LOC128462377: variants seen among roughly 807,000 people sequenced by gnomAD.
At chr16:89,333,039 G>A in the LOC128462377 span, among the ~76,000 whole-genome samples, 1 of 152,132 alleles carries the variant, frequency 6.6e-6, no homozygotes, top group Non-Finnish European at 1.5e-5. Flanking sequence ...GAGTGACAGG[G>A]AACCCCCAGG....
At chr16:89,399,154 C>T in the LOC128462377 span, among the ~76,000 whole-genome samples, 1 of 152,302 alleles carries the variant, frequency 6.6e-6, no homozygotes, top group Admixed American at 6.5e-5. Flanking sequence ...TGACACAGCA[C>T]GAGTCCACGC....
chr16:89,403,666 G>T, the LOC128462377 span: 1 of 152,234 alleles, frequency 6.6e-6, no homozygotes. Flanking sequence ...ACGACAGCAC[G>T]TGCCTTTAAT....
the LOC128462377 span, among the ~76,000 whole-genome samples, chr16:89,393,050 C>A: frequency 6.6e-6 from 1 of 152,076 alleles, no homozygotes; most frequent in African/African-American, 2.4e-5. Context: ...AATGCTAACC[C>A]TCAGTGGAGC....
At chr16:89,371,464 C>T in the LOC128462377 span, among the ~76,000 whole-genome samples, 3 of 152,334 alleles carry the variant, frequency 2.0e-5, no homozygotes, top group Non-Finnish European at 2.9e-5. Context: ...GGGCCGCTGA[C>T]GCCAGCAGCT....
chr16:89,406,166 T>A, the LOC128462377 span, among the ~76,000 whole-genome samples: 3 of 150,704 alleles, frequency 2.0e-5, no homozygotes, highest in Non-Finnish European at 4.4e-5. Context: ...CTAAGTCTGG[T>A]TATGCCCTTT....
At chr16:89,353,341 C>T in the LOC128462377 span, among the ~76,000 whole-genome samples, 2 of 147,096 alleles carry the variant, frequency 1.4e-5, no homozygotes, top group Non-Finnish European at 3.0e-5. Context: ...GACTCCAACT[C>T]CAAAAAAAAA....
chr16:89,356,826 C>T, the LOC128462377 span, among the ~76,000 whole-genome samples: 5 of 149,674 alleles, frequency 3.3e-5, no homozygotes, highest in Non-Finnish European at 7.4e-5. Context: ...CGTAATGGTA[C>T]AATTTTGGGG....
At chr16:89,361,331 CG>C in the LOC128462377 span, among the ~76,000 whole-genome samples, 9 of 152,280 alleles carry the variant, frequency 5.9e-5, no homozygotes, top group Non-Finnish European at 1.2e-4. Flanking sequence ...GCGCCGGGGG[CG>C]GGGGGTGCTG....
the LOC128462377 span, among the ~76,000 whole-genome samples, chr16:89,391,797 CT>C: frequency 1.3e-5 from 2 of 152,228 alleles, no homozygotes; most frequent in Non-Finnish European, 2.9e-5. Flanking sequence ...ATAGTAACTT[CT>C]CTTAAAAGCA....
At chr16:89,414,662 A>G in the LOC128462377 span, among the ~76,000 whole-genome samples, 1 of 152,222 alleles carries the variant, frequency 6.6e-6, no homozygotes, top group Admixed American at 6.5e-5. Flanking sequence ...GGGAGGGGCC[A>G]GGGCCACAGA....
At chr16:89,381,354 AG>A in the LOC128462377 span, among the ~76,000 whole-genome samples, 1 of 125,346 alleles carries the variant, frequency 8.0e-6, no homozygotes, top group African/African-American at 3.3e-5. Flanking sequence ...AAAAAAAAAA[AG>A]GGGTGAGAAG....
chr16:89,336,364 G>A, the LOC128462377 span, among the ~76,000 whole-genome samples: 572 of 152,334 alleles, frequency 3.8e-3, 2 homozygotes, highest in African/African-American at 0.013. Flanking sequence ...AGAGGCGGGT[G>A]TGCGTCCACA....
chr16:89,359,975 G>A, the LOC128462377 span, among the ~76,000 whole-genome samples: 1 of 151,962 alleles, frequency 6.6e-6, no homozygotes, highest in African/African-American at 2.4e-5. Context: ...TGGGCGGGGG[G>A]GGAGGTTGTA....
chr16:89,322,552 G>C, the LOC128462377 span, among the ~76,000 whole-genome samples: 4 of 152,224 alleles, frequency 2.6e-5, no homozygotes. Context: ...GAAAAGGGGA[G>C]GGAAGCCCTT....
the LOC128462377 span, chr16:89,324,866 C>T: frequency 4.2e-5 from 11 of 264,470 alleles, no homozygotes; most frequent in South Asian, 4.1e-4. Flanking sequence ...TGTGGGACTT[C>T]ACCTCATGAC....
the LOC128462377 span, among the ~76,000 whole-genome samples, chr16:89,326,597 T>C: frequency 2.0e-5 from 3 of 151,746 alleles, no homozygotes; most frequent in East Asian, 5.8e-4. Flanking sequence ...AAAAAATTAA[T>C]CAGTCGAGGT....
the LOC128462377 span, among the ~76,000 whole-genome samples, chr16:89,415,658 T>C: frequency 1.3e-5 from 2 of 150,306 alleles, no homozygotes; most frequent in Admixed American, 6.6e-5. Context: ...TGAAACCCTA[T>C]CTCTACTAAA....
the LOC128462377 span, among the ~76,000 whole-genome samples, chr16:89,374,954 G>A: frequency 6.6e-6 from 1 of 152,090 alleles, no homozygotes. Context: ...AGTATGTCAT[G>A]AATGTACAAA....
the LOC128462377 span, among the ~76,000 whole-genome samples, chr16:89,408,829 T>C: frequency 8.1e-4 from 123 of 152,252 alleles, 1 homozygote; most frequent in African/African-American, 2.8e-3. Flanking sequence ...ATAAGGAAAA[T>C]GCAATTTTCT....
Sources: allele counts gnomAD v4.1 joint callset (sites outside exome capture counted in the v4.1 genomes callset), GRCh38; gene constraint gnomAD v4.1.1; transcripts MANE v1.5.